Variants in RBFOX1 observed in about 807,000 individuals in gnomAD.
RBFOX1 encodes RNA binding fox-1 homolog 1.
In RBFOX1, 8 loss-of-function variants were observed where a neutral mutation model predicts 57.7. That is an observed-to-expected ratio of 0.14 (90% CI 0.08 to 0.25). The LOEUF is 0.25. Ranked by LOEUF, RBFOX1 falls within the 10% of genes least tolerant of loss-of-function variation. The pLI is 1.00. For missense variants in RBFOX1, 611 were observed against 548.5 expected (o/e 1.11, Z -1.14); for synonymous variants, 326 against 222.4 (o/e 1.47, Z -4.15).
chr16:5,543,758 G>A (rs767809687), intron 2 of RBFOX1, among the ~76,000 whole-genome samples: 1 of 152,118 alleles, frequency 6.6e-6, no homozygotes, highest in East Asian at 1.9e-4. Context: ...CAAGCTTAGT[G>A]ATATAAAAAC....
At chr16:7,266,944 G>C (rs768104918) in intron 4 of RBFOX1, among the ~76,000 whole-genome samples, 3 of 152,034 alleles carry the variant, frequency 2.0e-5, no homozygotes, top group Non-Finnish European at 4.4e-5. Flanking sequence ...CTGAGCAATA[G>C]GGAGAGAGAA....
chr16:6,514,256 C>G (rs934795891), intron 2 of RBFOX1, among the ~76,000 whole-genome samples: 1 of 152,280 alleles, frequency 6.6e-6, no homozygotes, highest in South Asian at 2.1e-4. Context: ...AGCACACACA[C>G]GTACACGGGC....
chr16:7,025,495 C>T (rs983282889), intron 3 of RBFOX1, among the ~76,000 whole-genome samples: 4 of 152,154 alleles, frequency 2.6e-5, no homozygotes, highest in Admixed American at 2.0e-4. Context: ...CCTTGTTGTA[C>T]CCAGCCCCTA....
chr16:6,759,149 C>CTTTT (rs55903030), intron 3 of RBFOX1, among the ~76,000 whole-genome samples: 11 of 147,212 alleles, frequency 7.5e-5, no homozygotes, highest in Non-Finnish European at 9.0e-5. Flanking sequence ...CTTATCAATT[C>CTTTT]TTTTTTTTTT....
chr16:5,410,831 C>A (rs371193853), intron 1 of RBFOX1, among the ~76,000 whole-genome samples: 1 of 152,220 alleles, frequency 6.6e-6, no homozygotes, highest in African/African-American at 2.4e-5. Flanking sequence ...GTACTTGAAG[C>A]TAGACATCAG....
intron 4 of RBFOX1, among the ~76,000 whole-genome samples, chr16:7,096,363 T>C (rs904350657): frequency 6.6e-6 from 1 of 152,138 alleles, no homozygotes; most frequent in Non-Finnish European, 1.5e-5. Context: ...AAACTCTGAC[T>C]CAATTTCTCG....
At chr16:6,489,811 C>G (rs1184170430) in intron 2 of RBFOX1, among the ~76,000 whole-genome samples, 1 of 152,140 alleles carries the variant, frequency 6.6e-6, no homozygotes, top group African/African-American at 2.4e-5. Flanking sequence ...CCATGACCAC[C>G]TCCAACAACA....
chr16:5,972,098 C>T (rs1180647909), intron 4 of RBFOX1, among the ~76,000 whole-genome samples: 1 of 152,218 alleles, frequency 6.6e-6, no homozygotes, highest in African/African-American at 2.4e-5. Flanking sequence ...ACCATTCATT[C>T]TCCTGGGCCT....
At chr16:6,882,910 G>A (rs367915927) in intron 3 of RBFOX1, among the ~76,000 whole-genome samples, 9 of 152,218 alleles carry the variant, frequency 5.9e-5, no homozygotes, top group East Asian at 5.8e-4. Context: ...CTTACCAGGA[G>A]TTATGAATTG....
intron 3 of RBFOX1, among the ~76,000 whole-genome samples, chr16:5,767,603 C>G (rs182000292): frequency 7.2e-5 from 11 of 152,336 alleles, no homozygotes; most frequent in Admixed American, 5.9e-4. Flanking sequence ...GCTTTTGTCA[C>G]ACGCCTTCCA....
rs142640501 is a variant in RBFOX1 at position 5,612,151 on chromosome 16, C to T, written c.318+13190C>T. On this transcript the variant is annotated intron_variant, in intron 3 of 19. Transcript: ENST00000641259. ...CCCATAATTCCTCCCATCCATACGT[C>T]TACTCTCCCACCTACCCACCCATTC... is the stretch of plus-strand genomic sequence containing the variant. 3.1e-4 allele frequency among the ~76,000 whole-genome samples: 47 copies of T among 151,882 alleles called. 1 individual carries two copies. The highest frequency in any genetic ancestry group is 1.0e-3 in the African/African-American group (43 of 41,420).
chr16:5,372,899 G>T (rs981773222), intron 1 of RBFOX1, among the ~76,000 whole-genome samples: 1 of 152,232 alleles, frequency 6.6e-6, no homozygotes, highest in East Asian at 1.9e-4. Flanking sequence ...ATGTTAGCAT[G>T]ACTTCAGCTT....
chr16:7,432,420 G>A (rs1397725355), intron 4 of RBFOX1, among the ~76,000 whole-genome samples: 1 of 152,166 alleles, frequency 6.6e-6, no homozygotes, highest in African/African-American at 2.4e-5. Flanking sequence ...TTCTCCTAAT[G>A]CAATCGTTGT....
At chr16:7,328,966 T>C (rs543055450) in intron 4 of RBFOX1, among the ~76,000 whole-genome samples, 1 of 152,096 alleles carries the variant, frequency 6.6e-6, no homozygotes, top group Non-Finnish European at 1.5e-5. Flanking sequence ...GGCTGGAAAC[T>C]TTTTTTAAAA....
At chr16:6,332,373 T>C (rs1053882265) in intron 2 of RBFOX1, among the ~76,000 whole-genome samples, 3 of 152,250 alleles carry the variant, frequency 2.0e-5, no homozygotes, top group African/African-American at 2.4e-5. Context: ...GACTTTAGAA[T>C]CTCCGTGGAA....
chr16:6,102,939 G>A (rs1361827127), intron 1 of RBFOX1, among the ~76,000 whole-genome samples: 1 of 152,094 alleles, frequency 6.6e-6, no homozygotes. Context: ...TTCTCTGCAG[G>A]CTTCTTAGAG....
At chr16:6,858,844 A>C (rs1160746191) in intron 3 of RBFOX1, among the ~76,000 whole-genome samples, 1 of 151,998 alleles carries the variant, frequency 6.6e-6, no homozygotes, top group Non-Finnish European at 1.5e-5. Context: ...CTTCAATTCA[A>C]CATGCAAAAC....
At chr16:7,477,791 G>T (rs934795478) in intron 4 of RBFOX1, among the ~76,000 whole-genome samples, 3 of 152,058 alleles carry the variant, frequency 2.0e-5, no homozygotes, top group Non-Finnish European at 4.4e-5. Context: ...CCACACAGCT[G>T]GGGGGAAGGT....
rs140894691 is a variant in RBFOX1 at position 6,456,593 on chromosome 16, A to G, written c.-64+139536A>G. Among the ~76,000 whole-genome samples, 11 of 152,276 alleles carry G rather than the reference A, an allele frequency of 7.2e-5. 1 individual carries two copies. Among genetic ancestry groups the G allele is most frequent in the South Asian group, 4.1e-4 (2 of 4,826 alleles). On this transcript the variant is annotated intron_variant, in intron 2 of 15. Transcript: ENST00000550418. ...ACCATTGAAGTGGATCAAATTTTCT[A>G]TTTAGAAAGATAACTCTCCCTGCAG...
Sources: gnomAD v4.1 joint callset for allele counts (sites outside exome capture counted in the v4.1 genomes callset) on GRCh38, gnomAD v4.1.1 for gene constraint, MANE v1.5 for transcripts, NCBI Gene and HGNC (gene_info 2026-07-23, HGNC 2026-07-21) for gene names.